The following PKP4 variants were observed in gnomAD, a reference collection of about 807,000 sequenced individuals.
PKP4 encodes the protein plakophilin 4.
Under a neutral mutation model 145.1 loss-of-function variants are expected in PKP4, and 90 were observed. That is an observed-to-expected ratio of 0.62 (90% CI 0.52 to 0.74). PKP4 has a LOEUF of 0.74. PKP4 is among the 30% of genes least tolerant of loss of function. PKP4 has a pLI of 0.00. For missense variants in PKP4, 1,340 were observed against 1,482.7 expected (o/e 0.90, Z 1.58); for synonymous variants, 563 against 577.2 (o/e 0.98, Z 0.35).
chr2:158,471,410 G>C (rs1212218309), intron 1 of PKP4, among the ~76,000 whole-genome samples: 1 of 152,190 alleles, frequency 6.6e-6, no homozygotes, highest in African/African-American at 2.4e-5. Context: ...AATTTTTACA[G>C]TCAAGAACAA....
At chr2:158,582,865 A>G (rs1359080466) in intron 3 of PKP4, among the ~76,000 whole-genome samples, 2 of 152,206 alleles carry the variant, frequency 1.3e-5, no homozygotes, top group Non-Finnish European at 2.9e-5. Context: ...GCATATGTAG[A>G]TGGATGAATC....
chr2:158,628,701 G>A (rs7597080), intron 7 of PKP4, among the ~76,000 whole-genome samples: 10,215 of 152,220 alleles, frequency 0.067, 832 homozygotes, highest in African/African-American at 0.19. Flanking sequence ...CATAGTCTGT[G>A]CTTACAAAAC....
At chr2:158,664,278 G>T (rs2056881005) in intron 15 of PKP4, among the ~76,000 whole-genome samples, 1 of 152,166 alleles carries the variant, frequency 6.6e-6, no homozygotes, top group Admixed American at 6.5e-5. Context: ...GAGGACCTCT[G>T]TTCCTCTCAG....
chr2:158,457,437 A>G (rs557490425), intron 1 of PKP4: 2 of 151,754 alleles, frequency 1.3e-5, no homozygotes, highest in Admixed American at 1.3e-4. Flanking sequence ...CGGCAGGCGC[A>G]CAAGTTTCAC....
chr2:158,629,961 T>C (rs998615464), intron 7 of PKP4, among the ~76,000 whole-genome samples: 5 of 152,178 alleles, frequency 3.3e-5, no homozygotes, highest in Admixed American at 2.0e-4. Context: ...CTTGAACTCC[T>C]GACCTCGTGA....
chr2:158,595,055 T>G (rs1344520494), intron 3 of PKP4, among the ~76,000 whole-genome samples: 1 of 152,220 alleles, frequency 6.6e-6, no homozygotes, highest in Non-Finnish European at 1.5e-5. Flanking sequence ...TTGTTTAATT[T>G]GTGTAACTGC....
intron 2 of PKP4, among the ~76,000 whole-genome samples, chr2:158,556,234 GTAGTT>G: frequency 6.6e-6 from 1 of 152,134 alleles, no homozygotes; most frequent in East Asian, 1.9e-4. Context: ...TTCATATCGG[GTAGTT>G]TAGTTTTTAA....
intron 2 of PKP4, among the ~76,000 whole-genome samples, chr2:158,552,031 A>T (rs2045674026): frequency 6.6e-6 from 1 of 152,244 alleles, no homozygotes; most frequent in Non-Finnish European, 1.5e-5. Context: ...TAAATAAGTT[A>T]AAAAATCATG....
intron 3 of PKP4, among the ~76,000 whole-genome samples, chr2:158,599,705 A>G (rs1056648310): frequency 4.6e-5 from 7 of 152,128 alleles, no homozygotes; most frequent in African/African-American, 1.7e-4. Flanking sequence ...GAGCTATTGG[A>G]TATCAACTCA....
At chr2:158,671,803 G>A (rs144220376) in intron 17 of PKP4, among the ~76,000 whole-genome samples, 40 of 152,322 alleles carry the variant, frequency 2.6e-4, no homozygotes, top group African/African-American at 9.1e-4. Context: ...GGGGCAGGGC[G>A]CATAATAATG....
intron 1 of PKP4, among the ~76,000 whole-genome samples, chr2:158,523,143 C>T (rs1284258347): frequency 2.0e-5 from 3 of 152,072 alleles, no homozygotes; most frequent in Non-Finnish European, 2.9e-5. Flanking sequence ...CTCAAGGAGG[C>T]CTGCCTGCCT....
At chr2:158,627,489 C>T (rs977464530) in intron 7 of PKP4, among the ~76,000 whole-genome samples, 2 of 151,964 alleles carry the variant, frequency 1.3e-5, no homozygotes, top group African/African-American at 4.8e-5. Context: ...TAGGCCCAGC[C>T]TCTCAGTGAT....
chr2:158,528,255 A>G (rs1344814577), intron 1 of PKP4, among the ~76,000 whole-genome samples: 2 of 150,332 alleles, frequency 1.3e-5, no homozygotes, highest in Admixed American at 1.3e-4. Context: ...CAACAATGAT[A>G]GACTGGATTA....
chr2:158,606,347 A>T lies in PKP4; in HGVS notation c.280+3243A>T, dbSNP rs565956500. 8.9e-4 allele frequency among the ~76,000 whole-genome samples: 135 copies of T among 152,184 alleles called. 1 individual carries two copies. Among genetic ancestry groups the T allele is most frequent in the African/African-American group, 2.7e-3 (111 of 41,532 alleles). ...GAGCGAGACTCCTTCTCAAAAAAAA[A>T]AATAATAATAAAATAACAGTTCTGA... On this transcript the variant is annotated intron_variant, in intron 4 of 21. Coordinates refer to ENST00000389759, the MANE Select transcript of PKP4 (RefSeq NM_003628.6).
At position 158,669,728 on chromosome 2, in the gene PKP4, GC is replaced by G. The variant is rs1222681642; in HGVS notation, c.2739del (p.Met914CysfsTer49). 6.4e-7 allele frequency: 1 copy of G among 1,572,352 alleles called. No individual in the cohort carries two copies. Among genetic ancestry groups the G allele is most frequent in the East Asian group, 2.3e-5 (1 of 44,180 alleles). ...TCTTTTGCCGTTGGCAGGCAAATAC[GC>G]CATGCGAGACCTGGTCAACCGGCTC... ...VRNKELIGKY[A>X]MRDLVNRLPG... On this transcript the variant is annotated frameshift_variant, in exon 17 of 22. Transcript: ENST00000389759. LOFTEE classifies it high-confidence loss of function.
rs1558939576 is a variant in PKP4, at chr2:158,642,588, G to A, written c.1798G>A (p.Gly600Ser). The change falls in exon 11 of 22, where the codon GGC (glycine) becomes AGC (serine). Residue 600 changes from glycine (G) to serine (S), a missense_variant. By Grantham distance (56) the Gly-to-Ser change is moderately conservative (BLOSUM62 0). Coordinates refer to ENST00000389759, the MANE Select transcript of PKP4 (RefSeq NM_003628.6). Reference protein sequence around the residue: ...ACGALRNLVFGKSTDENKIAM... With the variant: ...ACGALRNLVFSKSTDENKIAM... ...TGGTGCCCTTCGAAACCTCGTTTTT[G>A]GCAAGTCTACAGATGAAAATAAAAT... is the stretch of plus-strand genomic sequence containing the variant. 1 of 1,613,802 alleles carries A rather than the reference G, an allele frequency of 6.2e-7. No individual in the cohort carries two copies. Among genetic ancestry groups the A allele is most frequent in the Non-Finnish European group, 8.5e-7 (1 of 1,179,754 alleles).
chr2:158,622,442 GCTAA>G (rs1414592418), intron 6 of PKP4, among the ~76,000 whole-genome samples: 1 of 152,060 alleles, frequency 6.6e-6, no homozygotes, highest in Non-Finnish European at 1.5e-5. Context: ...AACCAGTGAG[GCTAA>G]CTATCTGTGC....
At chr2:158,599,158 A>G (rs536520114) in intron 3 of PKP4, among the ~76,000 whole-genome samples, 215 of 152,330 alleles carry the variant, frequency 1.4e-3, no homozygotes, top group African/African-American at 5.0e-3. Context: ...GTTTGAAAAA[A>G]ATCGCAGTAG....
At chr2:158,644,349 G>A (rs1016653274) in intron 11 of PKP4, among the ~76,000 whole-genome samples, 2 of 152,204 alleles carry the variant, frequency 1.3e-5, no homozygotes, top group Non-Finnish European at 2.9e-5. Context: ...GAGAGAGAGG[G>A]AGAAGTGAGT....
Sources: allele counts gnomAD v4.1 joint callset (sites outside exome capture counted in the v4.1 genomes callset), GRCh38; gene constraint gnomAD v4.1.1; transcripts MANE v1.5; gene names NCBI Gene and HGNC (gene_info 2026-07-23, HGNC 2026-07-21).